EFNA5: variants seen among roughly 807,000 people sequenced by gnomAD.
EFNA5 encodes ephrin A5, also known as ephrin-A5.
A neutral mutation model predicts 22.9 loss-of-function variants in EFNA5; 5 were observed. The ratio of observed to expected loss-of-function variants is 0.22; its 90% CI spans 0.11 to 0.46. The LOEUF (loss-of-function observed/expected upper bound fraction) is 0.46. EFNA5 is among the 20% of genes least tolerant of loss of function. The pLI is 0.99. For synonymous variants in EFNA5, 113 were observed against 112.2 expected (o/e 1.01, Z -0.04); for missense variants, 237 against 293.3 (o/e 0.81, Z 1.40).
At chr5:107,598,344 A>G (rs2112509985) in intron 1 of EFNA5, among the ~76,000 whole-genome samples, 1 of 152,284 alleles carries the variant, frequency 6.6e-6, no homozygotes, top group South Asian at 2.1e-4. Context: ...TCTGACACCA[A>G]ATTGAGTGGA....
At chr5:107,653,076 T>A (rs573104475) in intron 1 of EFNA5, among the ~76,000 whole-genome samples, 9 of 152,040 alleles carry the variant, frequency 5.9e-5, no homozygotes, top group African/African-American at 2.2e-4. Context: ...GACAGAGGCA[T>A]CAGAACAGGT....
intron 1 of EFNA5, among the ~76,000 whole-genome samples, chr5:107,480,250 A>C (rs931699162): frequency 6.6e-6 from 1 of 152,238 alleles, no homozygotes; most frequent in African/African-American, 2.4e-5. Context: ...ATTTTTCCAT[A>C]AATCAATGTA....
intron 1 of EFNA5, among the ~76,000 whole-genome samples, chr5:107,458,879 GA>G (rs1749764134): frequency 6.6e-6 from 1 of 151,970 alleles, no homozygotes; most frequent in South Asian, 2.1e-4. Context: ...TTTTTTTATT[GA>G]AAACTTCAGG....
chr5:107,597,354 T>C (rs1054665750), intron 1 of EFNA5, among the ~76,000 whole-genome samples: 3 of 152,118 alleles, frequency 2.0e-5, no homozygotes, highest in Admixed American at 6.5e-5. Flanking sequence ...CAAATTCCAA[T>C]GTAAGCTTCC....
At chr5:107,655,454 T>A (rs1288778954) in intron 1 of EFNA5, among the ~76,000 whole-genome samples, 1 of 152,182 alleles carries the variant, frequency 6.6e-6, no homozygotes, top group East Asian at 1.9e-4. Context: ...GTTCACAGTG[T>A]TCTTTCAAAT....
At chr5:107,626,127 G>A (rs1217905596) in intron 1 of EFNA5, among the ~76,000 whole-genome samples, 2 of 152,204 alleles carry the variant, frequency 1.3e-5, no homozygotes, top group African/African-American at 2.4e-5. Context: ...CCTAGGTACT[G>A]GAGTGAAATA....
Position 107,496,336 on chromosome 5 carries a change from C to CAAAAAAAAA in EFNA5, c.126-68836_126-68828dup, listed in dbSNP as rs77916124. Reference sequence around the variant, plus strand: ...GGGCAACGAGAGCAAAATTCCATCTCAAAAAAAAAAAAAAAAACAAAAAAA... The same window carrying CAAAAAAAAA: ...GGGCAACGAGAGCAAAATTCCATCTCAAAAAAAAAAAAAAAAAAAAAAAAAACAAAAAAA... On this transcript the variant is annotated intron_variant, in intron 1 of 4. Transcript: ENST00000333274. Among the ~76,000 whole-genome samples the CAAAAAAAAA allele has an allele frequency of 1.1e-3, 91 of 79,648 alleles. 1 individual carries two copies. Among genetic ancestry groups the CAAAAAAAAA allele is most frequent in the East Asian group, 3.2e-3 (7 of 2,214 alleles). 52.3% of individuals were successfully genotyped at this position (79,648 alleles called of 152,430 possible).
At chr5:107,551,334 C>A (rs893256399) in intron 1 of EFNA5, among the ~76,000 whole-genome samples, 1 of 152,166 alleles carries the variant, frequency 6.6e-6, no homozygotes, top group Non-Finnish European at 1.5e-5. Context: ...GTGGGCTACA[C>A]GATCTCTGCC....
chr5:107,605,580 G>T (rs1382572023), intron 1 of EFNA5, among the ~76,000 whole-genome samples: 2 of 112,724 alleles, frequency 1.8e-5, no homozygotes, highest in Non-Finnish European at 3.6e-5. Flanking sequence ...CCGCCACCCC[G>T]ACAATTTCAC....
intron 1 of EFNA5, among the ~76,000 whole-genome samples, chr5:107,511,145 G>C (rs1285048381): frequency 3.3e-5 from 5 of 151,842 alleles, no homozygotes; most frequent in African/African-American, 1.2e-4. Context: ...TCCTGTCTCA[G>C]CCTCTCTAGC....
intron 1 of EFNA5, among the ~76,000 whole-genome samples, chr5:107,512,974 T>C (rs1300519027): frequency 6.6e-6 from 1 of 152,204 alleles, no homozygotes; most frequent in African/African-American, 2.4e-5. Context: ...TGATTTGGAC[T>C]GTACTACTCT....
chr5:107,494,559 C>T (rs190327224), intron 1 of EFNA5, among the ~76,000 whole-genome samples: 3 of 152,360 alleles, frequency 2.0e-5, no homozygotes, highest in Admixed American at 2.0e-4. Context: ...TCCCATCGAC[C>T]ACCCAAGGGC....
chr5:107,645,935 A>G (rs1350794441), intron 1 of EFNA5, among the ~76,000 whole-genome samples: 1 of 152,208 alleles, frequency 6.6e-6, no homozygotes, highest in African/African-American at 2.4e-5. Context: ...ATCTTTTCAA[A>G]TACCTAAGAG....
chr5:107,419,073 A>C (rs934015565), intron 2 of EFNA5, among the ~76,000 whole-genome samples: 1 of 152,214 alleles, frequency 6.6e-6, no homozygotes, highest in Non-Finnish European at 1.5e-5. Context: ...CGAAGCCATT[A>C]CCAGAAGGCA....
intron 1 of EFNA5, among the ~76,000 whole-genome samples, chr5:107,453,231 T>C (rs985779493): frequency 1.3e-5 from 2 of 151,090 alleles, no homozygotes; most frequent in Admixed American, 6.6e-5. Flanking sequence ...TATTTAGACA[T>C]ATTAGATATT....
At chr5:107,582,218 G>T (rs1259019110) in intron 1 of EFNA5, among the ~76,000 whole-genome samples, 1 of 152,122 alleles carries the variant, frequency 6.6e-6, no homozygotes, top group Non-Finnish European at 1.5e-5. Context: ...AAATGTTTTT[G>T]ATATGCTAAA....
chr5:107,382,162 T>C (rs927971831), intron 4 of EFNA5, among the ~76,000 whole-genome samples: 2 of 152,216 alleles, frequency 1.3e-5, no homozygotes, highest in African/African-American at 2.4e-5. Context: ...TATTTAGCTA[T>C]AAAGTGTTCT....
At chr5:107,553,254 C>T (rs1027721712) in intron 1 of EFNA5, among the ~76,000 whole-genome samples, 2 of 152,196 alleles carry the variant, frequency 1.3e-5, no homozygotes, top group Non-Finnish European at 2.9e-5. Context: ...GGGACGAGCA[C>T]TCACTGCCTG....
Position 107,670,884 on chromosome 5 carries a change from A to C in EFNA5, c.-271T>G. ...TTCAGGAGGAAAAAGGAATCACAAGATGGAGAGAAGCGTGCGTGTGTGTGG... is the reference window on the plus strand; with the variant it reads ...TTCAGGAGGAAAAAGGAATCACAAGCTGGAGAGAAGCGTGCGTGTGTGTGG... On this transcript the variant is annotated 5_prime_UTR_variant, in exon 1 of 5. Transcript: ENST00000333274. 7 of 415,318 alleles carry C rather than the reference A, an allele frequency of 1.7e-5. No individual in the cohort carries two copies. Among genetic ancestry groups the C allele is most frequent in the East Asian group, 5.5e-5 (1 of 18,126 alleles). 25.7% of individuals were successfully genotyped at this position (415,318 alleles called of 1,614,324 possible).
Sources: gnomAD v4.1 joint callset for allele counts (sites outside exome capture counted in the v4.1 genomes callset) on GRCh38, gnomAD v4.1.1 for gene constraint, MANE v1.5 for transcripts, NCBI Gene and HGNC (gene_info 2026-07-23, HGNC 2026-07-21) for gene names.